SLC9A9: variants seen among roughly 807,000 people sequenced by gnomAD.
SLC9A9 encodes sodium/hydrogen exchanger 9.
SLC9A9 carries 62 observed loss-of-function variants against 77.8 expected under a neutral mutation model. That is an observed-to-expected ratio of 0.80 (90% CI 0.65 to 0.98). The LOEUF (loss-of-function observed/expected upper bound fraction) is 0.98. Among genes scored for constraint, SLC9A9 ranks in the 50% least tolerant of loss-of-function variants. The pLI is 0.00. For missense variants in SLC9A9, 775 were observed against 774.9 expected (o/e 1.00, Z 0.00); for synonymous variants, 320 against 283.5 (o/e 1.13, Z -1.29).
intron 12 of SLC9A9, among the ~76,000 whole-genome samples, chr3:143,457,098 T>A (rs1184056271): frequency 6.6e-6 from 1 of 152,152 alleles, no homozygotes; most frequent in African/African-American, 2.4e-5. Flanking sequence ...CATGGCTCAC[T>A]GCAGCCTGTC....
chr3:143,343,474 G>A (rs1176738868), intron 14 of SLC9A9: 3 of 152,162 alleles, frequency 2.0e-5, no homozygotes, highest in East Asian at 3.9e-4. Context: ...AGCAGTAGTC[G>A]AAAAAATCAA....
At chr3:143,601,795 C>T (rs909272695) in intron 6 of SLC9A9, among the ~76,000 whole-genome samples, 1 of 152,170 alleles carries the variant, frequency 6.6e-6, no homozygotes, top group Non-Finnish European at 1.5e-5. Flanking sequence ...ATCACTGCCC[C>T]TTCTATAGGC....
chr3:143,510,227 TA>T (rs1308633006), intron 9 of SLC9A9, among the ~76,000 whole-genome samples: 2 of 152,210 alleles, frequency 1.3e-5, no homozygotes, highest in Non-Finnish European at 2.9e-5. Flanking sequence ...GACAGATTCT[TA>T]TATTTGCCAA....
chr3:143,569,507 T>G (rs976218639), intron 8 of SLC9A9, among the ~76,000 whole-genome samples: 1 of 152,182 alleles, frequency 6.6e-6, no homozygotes, highest in African/African-American at 2.4e-5. Flanking sequence ...TGGTTTCTGA[T>G]GCAAAAACAA....
At chr3:143,473,072 T>C (rs893612044) in intron 11 of SLC9A9, among the ~76,000 whole-genome samples, 1 of 151,816 alleles carries the variant, frequency 6.6e-6, no homozygotes, top group Non-Finnish European at 1.5e-5. Flanking sequence ...ATGTAGTCAC[T>C]CACGCCAGCA....
chr3:143,781,831 G>T (rs1560076524), intron 4 of SLC9A9, among the ~76,000 whole-genome samples: 1 of 152,194 alleles, frequency 6.6e-6, no homozygotes, highest in African/African-American at 2.4e-5. Flanking sequence ...TTTCTTTACA[G>T]CTACCTCTCA....
At chr3:143,342,605 T>C (rs2032137902) in intron 14 of SLC9A9, among the ~76,000 whole-genome samples, 1 of 152,202 alleles carries the variant, frequency 6.6e-6, no homozygotes, top group African/African-American at 2.4e-5. Flanking sequence ...TAAAATAACC[T>C]TCAAGGCCAA....
chr3:143,358,736 T>C (rs1261602730), intron 14 of SLC9A9, among the ~76,000 whole-genome samples: 1 of 152,224 alleles, frequency 6.6e-6, no homozygotes, highest in Non-Finnish European at 1.5e-5. Context: ...CATCAATTTC[T>C]TCTTCTTACT....
At chr3:143,283,211 C>A (rs1279726122) in intron 14 of SLC9A9, among the ~76,000 whole-genome samples, 1 of 152,134 alleles carries the variant, frequency 6.6e-6, no homozygotes, top group Non-Finnish European at 1.5e-5. Context: ...TATCTGAAAC[C>A]TCCACCTTAT....
At chr3:143,284,797 G>A (rs1938332090) in intron 14 of SLC9A9, among the ~76,000 whole-genome samples, 1 of 152,078 alleles carries the variant, frequency 6.6e-6, no homozygotes, top group South Asian at 2.1e-4. Flanking sequence ...AATGCTGGGA[G>A]GGTCCCTGCT....
At chr3:143,730,916 CA>C (rs370855353) in intron 4 of SLC9A9, among the ~76,000 whole-genome samples, 86 of 152,220 alleles carry the variant, frequency 5.6e-4, no homozygotes, top group African/African-American at 1.9e-3. Context: ...CTACAATTGA[CA>C]AAAAATCTTG....
chr3:143,819,266 G>A (rs565811890), intron 2 of SLC9A9, among the ~76,000 whole-genome samples: 1 of 152,304 alleles, frequency 6.6e-6, no homozygotes, highest in South Asian at 2.1e-4. Context: ...AATGCTAGAA[G>A]TTAGAAATGT....
At chr3:143,588,018 G>A (rs1208710808) in intron 6 of SLC9A9, among the ~76,000 whole-genome samples, 2 of 152,154 alleles carry the variant, frequency 1.3e-5, no homozygotes, top group Admixed American at 6.5e-5. Flanking sequence ...TAGTCCAAAA[G>A]TAACGTATCA....
intron 11 of SLC9A9, among the ~76,000 whole-genome samples, chr3:143,490,274 G>A (rs1272264032): frequency 6.6e-6 from 1 of 152,118 alleles, no homozygotes; most frequent in African/African-American, 2.4e-5. Flanking sequence ...GAACCCAAGT[G>A]TCCACTGATA....
intron 2 of SLC9A9, 138 bp from the exon 3 acceptor site, chr3:143,797,041 G>T: frequency 3.1e-6 from 2 of 648,580 alleles, no homozygotes; most frequent in Non-Finnish European, 5.3e-6. Context: ...AGAGATGAAG[G>T]TAGGAAAAAA....
intron 12 of SLC9A9, 145 bp downstream of exon 12, chr3:143,466,892 C>T: frequency 1.0e-6 from 1 of 1,002,822 alleles, no homozygotes. Context: ...CATATTGTTT[C>T]ACCTTATGAG....
chr3:143,512,744 T>C (rs756172091), intron 9 of SLC9A9, among the ~76,000 whole-genome samples: 38 of 152,042 alleles, frequency 2.5e-4, no homozygotes, highest in Non-Finnish European at 4.6e-4. Flanking sequence ...GTCGTGGTGG[T>C]GGGTGCCTGT....
intron 14 of SLC9A9, among the ~76,000 whole-genome samples, chr3:143,273,052 T>C (rs1937940933): frequency 6.6e-6 from 1 of 152,264 alleles, no homozygotes; most frequent in South Asian, 2.1e-4. Flanking sequence ...AAATACCTGG[T>C]GACATTGATT....
At chr3:143,847,098 T>C (rs1022555077) in intron 1 of SLC9A9, among the ~76,000 whole-genome samples, 1 of 152,182 alleles carries the variant, frequency 6.6e-6, no homozygotes, top group African/African-American at 2.4e-5. Context: ...ACACTGTTAA[T>C]ATCAGGACAC....
Sources: gnomAD v4.1 joint callset for allele counts (sites outside exome capture counted in the v4.1 genomes callset) on GRCh38, gnomAD v4.1.1 for gene constraint, MANE v1.5 for transcripts, NCBI Gene and HGNC (gene_info 2026-07-23, HGNC 2026-07-21) for gene names.